KIAA1549L: variants seen among roughly 807,000 people sequenced by gnomAD.
KIAA1549L encodes KIAA1549 like, also known as UPF0606 protein KIAA1549L.
KIAA1549L carries 88 observed loss-of-function variants against 160.7 expected under a neutral mutation model. The observed-to-expected ratio is 0.55, with a 90% CI of 0.46 to 0.65. The LOEUF (loss-of-function observed/expected upper bound fraction) is 0.65. Among genes scored for constraint, KIAA1549L ranks in the 30% least tolerant of loss-of-function variants. KIAA1549L has a pLI of 0.00. For synonymous variants in KIAA1549L, 950 were observed against 976.7 expected, an observed-to-expected ratio of 0.97 and a Z score of 0.51; for missense variants, 2,258 against 2,437.5, an observed-to-expected ratio of 0.93 and a Z score of 1.55.
Position 33,386,185 on chromosome 11 carries a change from T to A in KIAA1549L, c.238+9296T>A, listed in dbSNP as rs117161132. 5.3e-5 allele frequency among the ~76,000 whole-genome samples: 8 copies of A among 152,334 alleles called. No homozygotes were observed. The East Asian group carries it at 1.3e-3, about 26-fold the overall frequency. ...CATTGGAGGGAAATATCAGTCTTTC[T>A]CTAGAGTATGATGTTGGCTATAGTT... On this transcript the variant is annotated intron_variant, in intron 1 of 20. Coordinates refer to ENST00000658780, the MANE Select transcript of KIAA1549L (RefSeq NM_012194.3).
At chr11:33,429,073 G>A (rs1215486129) in intron 1 of KIAA1549L, among the ~76,000 whole-genome samples, 1 of 152,224 alleles carries the variant, frequency 6.6e-6, no homozygotes, top group South Asian at 2.1e-4. Context: ...CCAGGTTCAA[G>A]CGATTCTCCT....
At chr11:33,642,452 T>G (rs1166617488) in intron 16 of KIAA1549L, among the ~76,000 whole-genome samples, 1 of 152,138 alleles carries the variant, frequency 6.6e-6, no homozygotes, top group Non-Finnish European at 1.5e-5. Context: ...GAGCGCACAC[T>G]TGGATAAGGG....
Position 33,502,958 on chromosome 11 carries a change from C to T in KIAA1549L, c.239-38844C>T, listed in dbSNP as rs113183622. ...TACTAGTCAGTCTCTTCTTTTTTAA[C>T]GCAAACTTTATATGAAGTATAACAT... On this transcript the variant is annotated intron_variant, in intron 1 of 20. Coordinates refer to ENST00000658780, the MANE Select transcript of KIAA1549L (RefSeq NM_012194.3). Among the ~76,000 whole-genome samples, 199 of 152,246 alleles carry T rather than the reference C, an allele frequency of 1.3e-3. 4 individuals are homozygous for T. The highest frequency in any genetic ancestry group is 4.5e-3 in the African/African-American group (188 of 41,550).
intron 17 of KIAA1549L, among the ~76,000 whole-genome samples, chr11:33,648,166 T>C (rs1851779984): frequency 6.6e-6 from 1 of 151,836 alleles, no homozygotes; most frequent in Admixed American, 6.6e-5. Context: ...AGCTTTTTTT[T>C]TGTATTTTTA....
chr11:33,592,492 T>C (rs1850086447), intron 12 of KIAA1549L, among the ~76,000 whole-genome samples: 1 of 152,226 alleles, frequency 6.6e-6, no homozygotes, highest in Non-Finnish European at 1.5e-5. Context: ...TGCCTGAGAC[T>C]ACTATGGAGA....
At chr11:33,412,561 T>G (rs537632003) in intron 1 of KIAA1549L, among the ~76,000 whole-genome samples, 148 of 152,308 alleles carry the variant, frequency 9.7e-4, no homozygotes, top group African/African-American at 3.3e-3. Flanking sequence ...TACACAGTGA[T>G]AGCATAGTAG....
chr11:33,623,952 C>A lies in KIAA1549L; in HGVS notation c.5409+5290C>A, dbSNP rs188041135. 1.2e-4 allele frequency among the ~76,000 whole-genome samples: 19 copies of A among 152,290 alleles called. No homozygotes were observed. In the East Asian group the frequency reaches 2.5e-3, roughly 20 times the overall value. On this transcript the variant is annotated intron_variant, in intron 16 of 20. Transcript: ENST00000658780. ...TGCTCTTATTCTTGGTACCTGCCTG[C>A]CCATGCCCATTTTTTCCCGGACTCT...
At chr11:33,515,165 G>A (rs1313394190) in intron 1 of KIAA1549L, among the ~76,000 whole-genome samples, 1 of 152,196 alleles carries the variant, frequency 6.6e-6, no homozygotes, top group African/African-American at 2.4e-5. Flanking sequence ...GTGGTTTGGA[G>A]TACAGCTAAG....
At chr11:33,439,202 G>T (rs1454647424) in intron 1 of KIAA1549L, among the ~76,000 whole-genome samples, 1 of 152,078 alleles carries the variant, frequency 6.6e-6, no homozygotes, top group African/African-American at 2.4e-5. Context: ...GTGAGCCACC[G>T]TGTCTGGCCT....
In KIAA1549L at chr11:33,574,858, C is replaced by T. The variant is rs1855393584; in HGVS notation, c.4387C>T (p.Leu1463Phe). 6.2e-7 allele frequency: 1 copy of T among 1,613,404 alleles called. No homozygotes were observed. Among genetic ancestry groups the T allele is most frequent in the Non-Finnish European group, 8.5e-7 (1 of 1,179,534 alleles). Residue 1463 changes from leucine (L) to phenylalanine (F), a missense_variant, in exon 10 of 21, where the codon CTT (leucine) becomes TTT (phenylalanine). Coordinates refer to ENST00000658780, the MANE Select transcript of KIAA1549L (RefSeq NM_012194.3). ...RMALTLHHVV[L>F]LQADPVVKNP... Reference sequence around the variant, plus strand: ...GGCCTTGACCCTTCATCACGTTGTCCTTCTGCAAGCTGACCGTAAGGGAAT... The same window carrying T: ...GGCCTTGACCCTTCATCACGTTGTCTTTCTGCAAGCTGACCGTAAGGGAAT...
At chr11:33,525,763 TGGTGC>T in intron 1 of KIAA1549L, among the ~76,000 whole-genome samples, 1 of 152,090 alleles carries the variant, frequency 6.6e-6, no homozygotes, top group South Asian at 2.1e-4. Flanking sequence ...GATGTATACT[TGGTGC>T]TGTTGGTGAG....
At chr11:33,448,262 T>G (rs2761222) in intron 1 of KIAA1549L, among the ~76,000 whole-genome samples, 1,675 of 152,262 alleles carry the variant, frequency 0.011, 45 homozygotes, top group African/African-American at 0.039. Context: ...TTTATGAACT[T>G]AAAACTCCAC....
intron 1 of KIAA1549L, among the ~76,000 whole-genome samples, chr11:33,472,133 T>A (rs1022608042): frequency 1.1e-4 from 17 of 151,986 alleles, no homozygotes; most frequent in Non-Finnish European, 1.5e-4. Flanking sequence ...TCTCTTTCTT[T>A]CTCCTTCTTT....
At chr11:33,523,163 A>G (rs1052575521) in intron 1 of KIAA1549L, among the ~76,000 whole-genome samples, 1 of 152,250 alleles carries the variant, frequency 6.6e-6, no homozygotes, top group Non-Finnish European at 1.5e-5. Flanking sequence ...TGCTAGGACA[A>G]TGACTTTAAC....
intron 17 of KIAA1549L, among the ~76,000 whole-genome samples, chr11:33,649,063 T>G (rs892023862): frequency 6.6e-6 from 1 of 152,176 alleles, no homozygotes; most frequent in African/African-American, 2.4e-5. Context: ...TGCCCAAGTT[T>G]ATGCAGCAGT....
chr11:33,650,647 G>C (rs760288009), intron 17 of KIAA1549L, among the ~76,000 whole-genome samples: 1 of 152,048 alleles, frequency 6.6e-6, no homozygotes, highest in Non-Finnish European at 1.5e-5. Flanking sequence ...TCAACACGCC[G>C]TCACCAGATT....
chr11:33,556,671 TATAAG>T (rs1854658413), intron 6 of KIAA1549L, among the ~76,000 whole-genome samples: 1 of 152,138 alleles, frequency 6.6e-6, no homozygotes, highest in Admixed American at 6.5e-5. Context: ...TGATTCCACT[TATAAG>T]AGGTATCTAG....
intron 16 of KIAA1549L, among the ~76,000 whole-genome samples, chr11:33,641,383 CA>C (rs1851574722): frequency 6.6e-6 from 1 of 151,924 alleles, no homozygotes; most frequent in African/African-American, 2.4e-5. Flanking sequence ...ATTTATTAAA[CA>C]AATGCTGATG....
intron 1 of KIAA1549L, among the ~76,000 whole-genome samples, chr11:33,477,510 CACACACACAA>C (rs1852314921): frequency 2.0e-5 from 3 of 146,942 alleles, no homozygotes; most frequent in South Asian, 4.6e-4. Context: ...GGTGCACGCA[CACACACACAA>C]ACACACACAC....
Sources: gnomAD v4.1 joint callset for allele counts (sites outside exome capture counted in the v4.1 genomes callset) on GRCh38, gnomAD v4.1.1 for gene constraint, MANE v1.5 for transcripts, NCBI Gene and HGNC (gene_info 2026-07-23, HGNC 2026-07-21) for gene names.